GRB10: variants seen among roughly 807,000 people sequenced by gnomAD.
GRB10 encodes the protein growth factor receptor bound protein 10.
GRB10 carries 20 observed loss-of-function variants against 80.9 expected under a neutral mutation model. The observed-to-expected ratio is 0.25, with a 90% CI of 0.17 to 0.36. The LOEUF is 0.36. Ranked by LOEUF, GRB10 falls within the 10% of genes least tolerant of loss-of-function variation. The probability of loss-of-function intolerance (pLI) is 1.00; values close to 1 mark genes in which losing one functional copy is unlikely to be tolerated. For missense variants in GRB10, 548 were observed against 747.7 expected (o/e 0.73, Z 3.12); for synonymous variants, 291 against 291.5 (o/e 1.00, Z 0.02).
At chr7:50,788,790 G>A (rs1019338500) in intron 1 of GRB10, among the ~76,000 whole-genome samples, 4 of 152,176 alleles carry the variant, frequency 2.6e-5, no homozygotes, top group African/African-American at 7.2e-5. Flanking sequence ...CAGGATAAGC[G>A]GTCCACAGTC....
At chr7:50,603,141 C>A (rs2047909199) in intron 17 of GRB10, among the ~76,000 whole-genome samples, 1 of 152,100 alleles carries the variant, frequency 6.6e-6, no homozygotes, top group East Asian at 1.9e-4. Context: ...GTATTCAGAC[C>A]CCGTATGGGA....
At chr7:50,652,533 CA>C (rs2058117460) in intron 7 of GRB10, among the ~76,000 whole-genome samples, 1 of 152,166 alleles carries the variant, frequency 6.6e-6, no homozygotes, top group African/African-American at 2.4e-5. Flanking sequence ...AAAGAACAAA[CA>C]ATGCCTTTGA....
At chr7:50,786,009 G>C (rs1444620435), upstream of GRB10, among the ~76,000 whole-genome samples, 1 of 152,024 alleles carries the variant, frequency 6.6e-6, no homozygotes, top group Admixed American at 6.6e-5. Context: ...TGGGGCAGAG[G>C]GCATGTAGGA....
chr7:50,751,455 G>A (rs1018056016), intron 3 of GRB10, among the ~76,000 whole-genome samples: 1 of 152,148 alleles, frequency 6.6e-6, no homozygotes, highest in Non-Finnish European at 1.5e-5. Context: ...ATTGATAGAC[G>A]AATCTCAAAA....
intron 4 of GRB10, among the ~76,000 whole-genome samples, chr7:50,718,202 T>C (rs747198991): frequency 4.1e-4 from 62 of 152,272 alleles, no homozygotes; most frequent in Non-Finnish European, 4.0e-4. Context: ...AGAAGCCCAG[T>C]GCCCAGTTCA....
intron 5 of GRB10, among the ~76,000 whole-genome samples, chr7:50,689,996 GAAA>G (rs781688968): frequency 7.3e-6 from 1 of 136,952 alleles, no homozygotes; most frequent in Non-Finnish European, 1.6e-5. Context: ...GGTTAAAAAG[GAAA>G]AAAAAAAAAA....
chr7:50,641,216 C>T (rs1042522472), intron 7 of GRB10, among the ~76,000 whole-genome samples: 5 of 151,672 alleles, frequency 3.3e-5, no homozygotes, highest in African/African-American at 1.2e-4. Context: ...GATGAATGAA[C>T]CCTAGGAAAG....
rs1243499405 is a variant in GRB10 at position 50,592,177 on chromosome 7, TAA to T, written c.*773_*774del. 1 of 152,218 alleles carries T rather than the reference TAA, an allele frequency of 6.6e-6. No homozygotes were observed. The highest frequency in any genetic ancestry group is 2.4e-5 in the African/African-American group (1 of 41,454). The allele number at this position is 152,218 out of a possible 1,614,324, so 9.4% of individuals were successfully genotyped here. ...TGGAACAGTGAATTTTCCAAAGGAA[TAA>T]AGTCTCCTGCACTGTGCAGAACAAG... On this transcript the variant is annotated 3_prime_UTR_variant, in exon 19 of 19. Coordinates refer to ENST00000401949, the MANE Select transcript of GRB10 (RefSeq NM_001350814.2).
chr7:50,665,608 G>A (rs932324977), intron 7 of GRB10, among the ~76,000 whole-genome samples: 2 of 152,362 alleles, frequency 1.3e-5, no homozygotes, highest in African/African-American at 4.8e-5. Context: ...CTGAGCAGCT[G>A]CAGGGCGGGT....
chr7:50,656,507 C>T (rs919637020), intron 7 of GRB10, among the ~76,000 whole-genome samples: 1 of 152,218 alleles, frequency 6.6e-6, no homozygotes, highest in South Asian at 2.1e-4. Context: ...CACTGCAGGG[C>T]CACACAGGCC....
chr7:50,717,451 G>A (rs1008230309), intron 4 of GRB10, among the ~76,000 whole-genome samples: 19 of 2,158 alleles, frequency 8.8e-3, no homozygotes, highest in Non-Finnish European at 0.013. Context: ...AGCTTGAAGA[G>A]TGTGTGTGTG....
chr7:50,735,662 T>C (rs2070674362), intron 3 of GRB10, among the ~76,000 whole-genome samples: 3 of 152,230 alleles, frequency 2.0e-5, no homozygotes, highest in African/African-American at 7.2e-5. Context: ...ATGAAAATCT[T>C]ACCTTATGGT....
At chr7:50,734,520 G>A (rs1018761335) in intron 3 of GRB10, among the ~76,000 whole-genome samples, 1 of 152,110 alleles carries the variant, frequency 6.6e-6, no homozygotes, top group African/African-American at 2.4e-5. Context: ...CAGCTCATCC[G>A]TGGAGACTCA....
chr7:50,764,920 C>T (rs983104695), intron 2 of GRB10, among the ~76,000 whole-genome samples: 10 of 152,174 alleles, frequency 6.6e-5, no homozygotes, highest in Non-Finnish European at 1.3e-4. Context: ...GCAAACTACT[C>T]ATCTGACAAG....
At position 50,606,340 on chromosome 7, in the gene GRB10, T is replaced by C. The variant is rs2048522955; in HGVS notation, c.1269A>G (p.Pro423=). The stretch of plus-strand genomic sequence containing the variant: ...TGAAGCTCCTGGCTTTACTTACCAC[T>C]GGCGTCGAGAACGGGGACAGCAAGG... ...RKALLSPFST[P]VRSVSENSLV... The change falls in exon 14 of 19, where the codon CCA becomes CCG. Residue 423 remains proline, a synonymous_variant. Coordinates refer to ENST00000401949, the MANE Select transcript of GRB10 (RefSeq NM_001350814.2). 6.2e-7 allele frequency: 1 copy of C among 1,613,302 alleles called. No homozygotes were observed. The highest frequency in any genetic ancestry group is 1.7e-5 in the Admixed American group (1 of 60,000).
At chr7:50,770,373 A>G (rs534652175) in intron 2 of GRB10, among the ~76,000 whole-genome samples, 3 of 152,346 alleles carry the variant, frequency 2.0e-5, no homozygotes, top group South Asian at 4.1e-4. Context: ...AACAGACACA[A>G]GAGAACAAGC....
chr7:50,662,519 C>T (rs1213450508), intron 7 of GRB10, among the ~76,000 whole-genome samples: 2 of 152,152 alleles, frequency 1.3e-5, no homozygotes, highest in Non-Finnish European at 2.9e-5. Context: ...GTGTCTTCTC[C>T]AAACTCAGCA....
rs148748011 is a variant in GRB10, at chr7:50,727,709, A to G, written c.51+4563T>C. The stretch of plus-strand genomic sequence containing the variant: ...AAAAAGATTATAATCTCAAATTTAC[A>G]TAAGTATCGCACAAATCACTTAAAA... On this transcript the variant is annotated intron_variant, in intron 4 of 18. Transcript: ENST00000401949. 7.0e-4 allele frequency: 100 copies of G among 143,122 alleles called. 1 individual carries two copies. In the East Asian group the frequency reaches 0.016, roughly 23 times the overall value. The allele number at this position is 143,122 out of a possible 1,614,324, so 8.9% of individuals were successfully genotyped here. A position where few individuals can be genotyped will look rare whatever the true frequency, so the allele number is the denominator to read the frequency against.
intron 5 of GRB10, among the ~76,000 whole-genome samples, chr7:50,696,196 A>G (rs1431703187): frequency 1.6e-4 from 24 of 152,224 alleles, no homozygotes; most frequent in Non-Finnish European, 3.2e-4. Flanking sequence ...ATTGAAATAA[A>G]TTCCTGGAAT....
Sources: allele counts gnomAD v4.1 joint callset (sites outside exome capture counted in the v4.1 genomes callset), GRCh38; gene constraint gnomAD v4.1.1; transcripts MANE v1.5; gene names NCBI Gene and HGNC (gene_info 2026-07-23, HGNC 2026-07-21).